THADA: variants seen among roughly 807,000 people sequenced by gnomAD.
The protein encoded by THADA is THADA armadillo repeat containing, also known as tRNA (32-2'-O)-methyltransferase regulator THADA.
Under a neutral mutation model 219.8 loss-of-function variants are expected in THADA, and 213 were observed. The ratio of observed to expected loss-of-function variants is 0.97; its 90% CI spans 0.87 to 1.09. The LOEUF (loss-of-function observed/expected upper bound fraction) is 1.09. THADA is among the 50% of genes least tolerant of loss of function. The pLI is 0.00. For synonymous variants in THADA, 1,018 were observed against 828.9 expected (o/e 1.23, Z -3.92); for missense variants, 2,956 against 2,311.3 (o/e 1.28, Z -5.72).
chr2:43,555,040 C>G (rs1697179394), intron 17 of THADA, among the ~76,000 whole-genome samples: 1 of 151,810 alleles, frequency 6.6e-6, no homozygotes, highest in Non-Finnish European at 1.5e-5. Context: ...ATTACGGATG[C>G]TCAACCTATA....
intron 29 of THADA, among the ~76,000 whole-genome samples, chr2:43,396,593 G>A (rs1263694341): frequency 6.6e-6 from 1 of 152,134 alleles, no homozygotes; most frequent in Non-Finnish European, 1.5e-5. Flanking sequence ...TTGAGGTCAG[G>A]AGTTCGAGAC....
chr2:43,588,094 A>AT (rs1298858826), intron 4 of THADA, among the ~76,000 whole-genome samples: 1 of 152,194 alleles, frequency 6.6e-6, no homozygotes, highest in African/African-American at 2.4e-5. Context: ...TGTATGAATA[A>AT]TTGGACCTAA....
chr2:43,548,901 C>G (rs1005835955), intron 20 of THADA, among the ~76,000 whole-genome samples: 1 of 152,176 alleles, frequency 6.6e-6, no homozygotes, highest in Non-Finnish European at 1.5e-5. Context: ...GTCTGGCACT[C>G]CCTAGTGAGA....
chr2:43,308,693 C>T (rs1460420259), intron 31 of THADA, among the ~76,000 whole-genome samples: 1 of 145,654 alleles, frequency 6.9e-6, no homozygotes, highest in African/African-American at 2.6e-5. Context: ...CAGTGCAAGA[C>T]CCTGTCTCTA....
chr2:43,429,130 C>T lies in THADA; in HGVS notation c.3927-899G>A, dbSNP rs558671944. On this transcript the variant is annotated intron_variant, in intron 27 of 37. Transcript: ENST00000405975. ...GTGTTTTTTTTTTCTTTTTTTGAGACGGAGTATTTTTCTGTCACCCAAGCT... is the reference window on the plus strand; with the variant it reads ...GTGTTTTTTTTTTCTTTTTTTGAGATGGAGTATTTTTCTGTCACCCAAGCT... Among the ~76,000 whole-genome samples, 13 of 151,300 alleles carry T rather than the reference C, an allele frequency of 8.6e-5. No homozygotes were observed. The East Asian group carries it at 1.7e-3, about 20-fold the overall frequency.
intron 29 of THADA, among the ~76,000 whole-genome samples, chr2:43,369,584 C>T (rs2104617060): frequency 6.6e-6 from 1 of 152,286 alleles, no homozygotes; most frequent in Middle Eastern, 3.4e-3. Context: ...TGTCTGATCA[C>T]AAGAATCAGT....
At chr2:43,279,671 C>T (rs1172196151) in intron 36 of THADA, 94 bp downstream of exon 36, 4 of 1,433,108 alleles carry the variant, frequency 2.8e-6, no homozygotes, top group African/African-American at 3.0e-5. Context: ...AAATGACCAA[C>T]AATGCCTAAG....
chr2:43,587,032 G>A (rs1701099693), intron 4 of THADA, 30 bp from the exon 5 acceptor site: 8 of 1,597,400 alleles, frequency 5.0e-6, no homozygotes, highest in Admixed American at 3.4e-5. Context: ...TTAAAAATCT[G>A]ACAATCTAAT....
intron 22 of THADA, among the ~76,000 whole-genome samples, chr2:43,525,427 T>A (rs555526807): frequency 6.6e-6 from 1 of 152,308 alleles, no homozygotes; most frequent in African/African-American, 2.4e-5. Flanking sequence ...AGCAATGCAA[T>A]GAGACTTCCA....
intron 29 of THADA, among the ~76,000 whole-genome samples, chr2:43,353,361 G>C (rs2104565672): frequency 6.6e-6 from 1 of 152,228 alleles, no homozygotes; most frequent in East Asian, 1.9e-4. Flanking sequence ...TTTGATAACA[G>C]CTATCCTAAG....
rs1000129269 is a variant in THADA at position 43,430,121 on chromosome 2, TTA to T, written c.3926+90_3926+91del. The T allele has an allele frequency of 3.2e-4, 194 of 600,978 alleles. No homozygotes were observed. In the Middle Eastern group the frequency reaches 6.2e-3, roughly 19 times the overall value. The allele number at this position is 600,978 out of a possible 1,614,324, so 37.2% of individuals were successfully genotyped here. ...AACAAATTTAAAAAAGGGAAGAATTTTATTAAAAACAGCTGCCTAGAGGGAAA... is the reference window on the plus strand; with the variant it reads ...AACAAATTTAAAAAAGGGAAGAATTTTTAAAAACAGCTGCCTAGAGGGAAA... On this transcript the variant is annotated intron_variant, in intron 27 of 37. Transcript: ENST00000405975.
At chr2:43,439,572 T>C (rs1680584236) in intron 26 of THADA, among the ~76,000 whole-genome samples, 1 of 116,444 alleles carries the variant, frequency 8.6e-6, no homozygotes, top group Non-Finnish European at 1.8e-5. Context: ...TTTATTTTAC[T>C]TAATAATGGC....
intron 20 of THADA, 32 bp from the exon 21 acceptor site, chr2:43,541,348 CTTGA>C (rs1208144795): frequency 6.2e-7 from 1 of 1,608,470 alleles, no homozygotes; most frequent in East Asian, 2.2e-5. Flanking sequence ...CGATTGCAAC[CTTGA>C]TTACTCATAT....
At chr2:43,551,670 A>AT in intron 19 of THADA, 119 bp downstream of exon 19, 1 of 883,856 alleles carries the variant, frequency 1.1e-6, no homozygotes, top group African/African-American at 1.8e-5. Context: ...AATAATAATT[A>AT]TTTTCTCCTC....
At chr2:43,583,768 C>T (rs1351602508) in intron 7 of THADA, among the ~76,000 whole-genome samples, 1 of 152,064 alleles carries the variant, frequency 6.6e-6, no homozygotes, top group Non-Finnish European at 1.5e-5. Flanking sequence ...ACGTGGAAGA[C>T]CCTCGAAAAC....
Position 43,498,850 on chromosome 2 carries a change from TA to T in THADA, c.3726del (p.Phe1242LeufsTer19). On this transcript the variant is annotated frameshift_variant, in exon 25 of 38. Transcript: ENST00000405975. LOFTEE classifies it high-confidence loss of function. ...GCACTTACTGCCCAGACCGGTGATG[TA>T]AAACCCAGAATTGCAGCCTTAGCTC... ...ADGAKAAILG[F>X]TSPVWAVRNS... The T allele has an allele frequency of 6.2e-7, 1 of 1,613,024 alleles. No individual in the cohort carries two copies. Among genetic ancestry groups the T allele is most frequent in the Non-Finnish European group, 8.5e-7 (1 of 1,179,570 alleles).
intron 30 of THADA, among the ~76,000 whole-genome samples, chr2:43,330,053 C>T (rs1424977681): frequency 6.6e-6 from 1 of 152,210 alleles, no homozygotes; most frequent in Non-Finnish European, 1.5e-5. Context: ...TTACAGGCCA[C>T]ACCTTGCTGG....
intron 36 of THADA, among the ~76,000 whole-genome samples, chr2:43,263,232 A>G (rs923630965): frequency 4.6e-5 from 7 of 152,080 alleles, no homozygotes; most frequent in Non-Finnish European, 1.0e-4. Context: ...TAGAAGGCCA[A>G]TTTTGTTCTG....
intron 20 of THADA, among the ~76,000 whole-genome samples, chr2:43,547,436 T>C (rs1696176928): frequency 6.6e-6 from 1 of 152,240 alleles, no homozygotes; most frequent in Non-Finnish European, 1.5e-5. Flanking sequence ...TTGGGGAAGT[T>C]CTCCTGGATA....
Sources: gnomAD v4.1 joint callset for allele counts (sites outside exome capture counted in the v4.1 genomes callset) on GRCh38, gnomAD v4.1.1 for gene constraint, MANE v1.5 for transcripts, NCBI Gene and HGNC (gene_info 2026-07-23, HGNC 2026-07-21) for gene names.